Variants in ASCC3 observed in about 807,000 individuals in gnomAD.
The protein encoded by ASCC3 is ASC-1 complex subunit P200.
ASCC3 carries 158 observed loss-of-function variants against 256.3 expected under a neutral mutation model. The ratio of observed to expected loss-of-function variants is 0.62; its 90% CI spans 0.54 to 0.70. ASCC3 has a LOEUF of 0.70. ASCC3 is among the 30% of genes least tolerant of loss of function. The pLI, the probability that ASCC3 is intolerant of heterozygous loss-of-function variation, is 0.00. For missense variants in ASCC3, 2,259 were observed against 2,626.0 expected, an observed-to-expected ratio of 0.86 and a Z score of 3.05; for synonymous variants, 948 against 883.4, an observed-to-expected ratio of 1.07 and a Z score of -1.30.
At chr6:100,786,287 C>G (rs1390063588) in intron 8 of ASCC3, among the ~76,000 whole-genome samples, 1 of 152,094 alleles carries the variant, frequency 6.6e-6, no homozygotes, top group East Asian at 1.9e-4. Context: ...CATGGTATGT[C>G]ATTATATTAA....
At chr6:100,770,502 G>A (rs199633198) in intron 8 of ASCC3, among the ~76,000 whole-genome samples, 11 of 146,072 alleles carry the variant, frequency 7.5e-5, no homozygotes, top group Admixed American at 6.8e-5. Context: ...AGGGGAAAAA[G>A]AAAAAAAAAA....
At position 100,563,704 on chromosome 6, in the gene ASCC3, T is replaced by C. The variant is rs555190759; in HGVS notation, c.5551-23317A>G. ...CAATCCCATATGTAAGGCTAAGGAA[T>C]GTAAATTCATCTAAGGTTTTTTTAT... On this transcript the variant is annotated intron_variant, in intron 36 of 41. Transcript: ENST00000369162. Among the ~76,000 whole-genome samples the C allele has an allele frequency of 6.1e-4, 93 of 152,284 alleles. 1 individual carries two copies. The highest frequency in any genetic ancestry group is 2.0e-3 in the African/African-American group (85 of 41,558).
intron 36 of ASCC3, among the ~76,000 whole-genome samples, chr6:100,573,167 G>C (rs901408846): frequency 1.3e-5 from 2 of 151,992 alleles, no homozygotes; most frequent in African/African-American, 4.8e-5. Flanking sequence ...AACATATTCA[G>C]ATGGCCTTAA....
chr6:100,619,646 T>A (rs1022030853), intron 30 of ASCC3, among the ~76,000 whole-genome samples: 1 of 152,196 alleles, frequency 6.6e-6, no homozygotes, highest in Admixed American at 6.5e-5. Flanking sequence ...AAATATCTAT[T>A]TGGCCCCCTG....
intron 16 of ASCC3, among the ~76,000 whole-genome samples, chr6:100,659,878 T>C (rs1416756523): frequency 1.3e-5 from 2 of 151,706 alleles, no homozygotes; most frequent in Non-Finnish European, 1.5e-5. Flanking sequence ...ACTACGTTAA[T>C]CTTTCTTTCA....
chr6:100,679,439 G>A (rs532721795), intron 14 of ASCC3, among the ~76,000 whole-genome samples, 179 bp downstream of exon 14: 1 of 152,102 alleles, frequency 6.6e-6, no homozygotes, highest in Non-Finnish European at 1.5e-5. Flanking sequence ...TAAGTGTTAT[G>A]TCATAGAGTG....
Position 100,629,060 on chromosome 6 carries a change from C to G in ASCC3, c.4330G>C (p.Val1444Leu). The change falls in exon 27 of 42, where the codon GTT becomes CTT. Residue 1444 changes from valine (V) to leucine (L), a missense_variant. Val to Leu is a conservative substitution (Grantham distance 32). Around this residue, in one of 2 missense-constraint regions of ASCC3, gnomAD observed 1,839 missense variants for 2,206.7 expected, o/e 0.83. Coordinates refer to ENST00000369162, the MANE Select transcript of ASCC3 (RefSeq NM_006828.4). ...VSRSWQNRNYVQQVTILIIDE... is the reference protein window; with the variant it reads ...VSRSWQNRNYLQQVTILIIDE... Reference sequence around the variant, plus strand: ...ATGATGAGAATAGTGACTTGCTGAACATAGTTCCTATTTTGCCAGCTTCTG... The same window carrying G: ...ATGATGAGAATAGTGACTTGCTGAAGATAGTTCCTATTTTGCCAGCTTCTG... 1.9e-6 allele frequency: 3 copies of G among 1,613,742 alleles called. No individual in the cohort carries two copies. The highest frequency in any genetic ancestry group is 2.5e-6 in the Non-Finnish European group (3 of 1,179,848).
chr6:100,555,093 A>G (rs1402235554), intron 36 of ASCC3, among the ~76,000 whole-genome samples: 1 of 151,884 alleles, frequency 6.6e-6, no homozygotes, highest in Non-Finnish European at 1.5e-5. Flanking sequence ...ACTGCAAGGT[A>G]TACTAGGAAT....
intron 5 of ASCC3, among the ~76,000 whole-genome samples, chr6:100,800,774 T>A (rs939903643): frequency 6.6e-6 from 1 of 151,834 alleles, no homozygotes; most frequent in Non-Finnish European, 1.5e-5. Context: ...TTCTTACATA[T>A]AACATTAGGA....
At chr6:100,852,563 T>C (rs1244175336) in intron 3 of ASCC3, among the ~76,000 whole-genome samples, 4 of 152,256 alleles carry the variant, frequency 2.6e-5, no homozygotes, top group Non-Finnish European at 5.9e-5. Context: ...AGTTAACATT[T>C]GCACCCAATT....
chr6:100,578,094 G>A (rs1181808509), intron 36 of ASCC3, among the ~76,000 whole-genome samples: 1 of 151,872 alleles, frequency 6.6e-6, no homozygotes, highest in Non-Finnish European at 1.5e-5. Flanking sequence ...TGGTCAAAGG[G>A]TGATATTGTC....
intron 13 of ASCC3, among the ~76,000 whole-genome samples, chr6:100,703,002 A>C (rs1360885223): frequency 6.6e-6 from 1 of 152,124 alleles, no homozygotes; most frequent in East Asian, 1.9e-4. Flanking sequence ...ATCATGTGAT[A>C]ATGTTTATTA....
At chr6:100,855,539 T>C (rs915355179) in intron 3 of ASCC3, among the ~76,000 whole-genome samples, 1 of 152,220 alleles carries the variant, frequency 6.6e-6, no homozygotes, top group Non-Finnish European at 1.5e-5. Flanking sequence ...TTTTTAAAAT[T>C]TCTCTTGTAA....
At chr6:100,738,413 C>A (rs79242960) in intron 10 of ASCC3, among the ~76,000 whole-genome samples, 1 of 152,050 alleles carries the variant, frequency 6.6e-6, no homozygotes, top group African/African-American at 2.4e-5. Context: ...AGGAAGAGGT[C>A]CAGTTTCAAT....
intron 10 of ASCC3, among the ~76,000 whole-genome samples, chr6:100,759,470 T>C (rs1781334846): frequency 6.6e-6 from 1 of 152,176 alleles, no homozygotes; most frequent in South Asian, 2.1e-4. Flanking sequence ...TAGCCAGTTT[T>C]CCCAGCACCA....
intron 14 of ASCC3, among the ~76,000 whole-genome samples, chr6:100,671,938 T>C (rs1281864634): frequency 1.3e-5 from 2 of 152,072 alleles, no homozygotes; most frequent in East Asian, 3.9e-4. Context: ...AGTTGCCATC[T>C]GCCACTCCCT....
At chr6:100,708,709 C>T (rs1461962890) in intron 13 of ASCC3, among the ~76,000 whole-genome samples, 1 of 151,998 alleles carries the variant, frequency 6.6e-6, no homozygotes, top group African/African-American at 2.4e-5. Context: ...TCCAAAATGT[C>T]AATATTGCCC....
At chr6:100,628,087 AAAAC>A in intron 27 of ASCC3, 100 bp from the exon 28 acceptor site, 1 of 1,248,482 alleles carries the variant, frequency 8.0e-7, no homozygotes. Flanking sequence ...TCAAAAAACA[AAAAC>A]AAAAAAAAAA....
intron 25 of ASCC3, 101 bp downstream of exon 25, chr6:100,638,500 A>G: frequency 1.0e-6 from 1 of 1,001,842 alleles, no homozygotes; most frequent in Non-Finnish European, 1.5e-6. Context: ...GAGAGTGACA[A>G]ATCTATTCAT....
Sources: gnomAD v4.1 joint callset for allele counts (sites outside exome capture counted in the v4.1 genomes callset) on GRCh38, gnomAD v4.1.1 for gene constraint, gnomAD v4.1.1 regional missense constraint, MANE v1.5 for transcripts, NCBI Gene and HGNC (gene_info 2026-07-23, HGNC 2026-07-21) for gene names.